GABRB3: variants seen among roughly 807,000 people sequenced by gnomAD.
GABRB3 encodes the protein gamma-aminobutyric acid type A receptor subunit beta3, also known as gamma-aminobutyric acid receptor subunit beta-3.
GABRB3 carries 14 observed loss-of-function variants against 52.1 expected under a neutral mutation model. The ratio of observed to expected loss-of-function variants is 0.27; its 90% CI spans 0.18 to 0.42. GABRB3 has a LOEUF of 0.42. Ranked by LOEUF, GABRB3 falls within the 10% of genes least tolerant of loss-of-function variation. The pLI is 1.00. For synonymous variants in GABRB3, 260 were observed against 232.3 expected (o/e 1.12, Z -1.08); for missense variants, 307 against 609.1 (o/e 0.50, Z 5.22).
intron 4 of GABRB3, among the ~76,000 whole-genome samples, chr15:26,588,765 A>C (rs7166689): frequency 0.3 from 45,429 of 152,132 alleles, 7,909 homozygotes; most frequent in East Asian, 0.79. Context: ...TAATGAGTAA[A>C]TGCCGAAAAT....
chr15:26,736,777 A>T (rs1890076585), intron 3 of GABRB3, among the ~76,000 whole-genome samples: 1 of 152,246 alleles, frequency 6.6e-6, no homozygotes. Flanking sequence ...GGCAGGTAGC[A>T]AATCCTCAGG....
Position 26,653,377 on chromosome 15 carries a change from C to T in GABRB3, c.241-31843G>A. Among the ~76,000 whole-genome samples, 2 of 152,138 alleles carry T rather than the reference C, an allele frequency of 1.3e-5. 1 individual carries two copies. Among genetic ancestry groups the T allele is most frequent in the Non-Finnish European group, 2.9e-5 (2 of 68,038 alleles). On this transcript the variant is annotated intron_variant, in intron 3 of 8. Transcript: ENST00000311550. The stretch of plus-strand genomic sequence containing the variant: ...TGCATTCTAATGCATCAGGTGGCAC[C>T]ATCCATACCAGTAAACTGAGTCAAC...
At chr15:26,764,228 A>C (rs1890931519) in intron 3 of GABRB3, among the ~76,000 whole-genome samples, 1 of 115,154 alleles carries the variant, frequency 8.7e-6, no homozygotes, top group Non-Finnish European at 1.7e-5. Flanking sequence ...ATATATATAT[A>C]TATATATAGT....
chr15:26,684,393 C>T (rs1382634209), intron 3 of GABRB3, among the ~76,000 whole-genome samples: 6 of 152,180 alleles, frequency 3.9e-5, no homozygotes, highest in South Asian at 2.1e-4. Context: ...ATGGGGAGTA[C>T]GAGAGAAATG....
intron 3 of GABRB3, among the ~76,000 whole-genome samples, chr15:26,746,661 A>G (rs1025955666): frequency 2.0e-5 from 3 of 149,634 alleles, no homozygotes; most frequent in Non-Finnish European, 3.0e-5. Context: ...TTATAAAGGC[A>G]CTCCACTGAA....
At position 26,596,248 on chromosome 15, in the gene GABRB3, A is replaced by G. The variant is rs565994044; in HGVS notation, c.462-12834T>C. 3.3e-5 allele frequency among the ~76,000 whole-genome samples: 5 copies of G among 152,308 alleles called. No individual in the cohort carries two copies. The East Asian group carries it at 7.7e-4, about 24-fold the overall frequency. On this transcript the variant is annotated intron_variant, in intron 4 of 8. Transcript: ENST00000311550. ...AGCCTAGTTCTTTAAAAATATAAATAAAATAGATATTTCTTGATACGAACA... is the reference window on the plus strand; with the variant it reads ...AGCCTAGTTCTTTAAAAATATAAATGAAATAGATATTTCTTGATACGAACA...
intron 3 of GABRB3, among the ~76,000 whole-genome samples, chr15:26,645,244 C>T (rs1339982064): frequency 6.6e-6 from 1 of 152,152 alleles, no homozygotes; most frequent in Non-Finnish European, 1.5e-5. Context: ...ATGTCTCCCC[C>T]TCCAAGAAAA....
At chr15:26,756,183 T>A (rs1177975091) in intron 3 of GABRB3, among the ~76,000 whole-genome samples, 1 of 152,110 alleles carries the variant, frequency 6.6e-6, no homozygotes, top group Non-Finnish European at 1.5e-5. Context: ...ATAATAGATA[T>A]TATTTTGTAG....
intron 4 of GABRB3, among the ~76,000 whole-genome samples, chr15:26,592,956 A>C (rs1039389083): frequency 1.3e-5 from 2 of 151,712 alleles, no homozygotes; most frequent in African/African-American, 4.8e-5. Flanking sequence ...TGGAGGTTAC[A>C]GTGAGCCGAG....
intron 3 of GABRB3, chr15:26,629,222 C>T (rs1164269321): frequency 7.0e-7 from 1 of 1,425,502 alleles, no homozygotes; most frequent in East Asian, 2.6e-5. Context: ...GGGGCGGGGC[C>T]TGGAAAGGAG....
At chr15:26,588,351 G>C (rs930865812) in intron 4 of GABRB3, among the ~76,000 whole-genome samples, 28 of 152,118 alleles carry the variant, frequency 1.8e-4, no homozygotes, top group African/African-American at 6.3e-4. Context: ...CCAGTTCTGT[G>C]CCAAGTACTT....
chr15:26,659,900 T>G (rs754587587), intron 3 of GABRB3, among the ~76,000 whole-genome samples: 4 of 151,992 alleles, frequency 2.6e-5, no homozygotes, highest in Non-Finnish European at 4.4e-5. Flanking sequence ...AAAAGCACAC[T>G]TCAGGGAGTG....
rs1255871390 is a variant in GABRB3, at chr15:26,674,412, A to G, written c.241-52878T>C. 5.8e-4 allele frequency among the ~76,000 whole-genome samples: 72 copies of G among 123,284 alleles called. 2 individuals are homozygous for G. The highest frequency in any genetic ancestry group is 1.7e-3 in the South Asian group (7 of 4,052). The allele number at this position is 123,284 out of a possible 152,430, so 80.9% of individuals were successfully genotyped here. A position where few individuals can be genotyped will look rare whatever the true frequency, so the allele number is the denominator to read the frequency against. On this transcript the variant is annotated intron_variant, in intron 3 of 8. Coordinates refer to ENST00000311550, the MANE Select transcript of GABRB3 (RefSeq NM_000814.6). ...CGAGACTCAGTTTCAAAAAAAAAAA[A>G]AAAAAAAAAGAAAAGAAAAGAAAGG...
intron 3 of GABRB3, among the ~76,000 whole-genome samples, chr15:26,745,863 G>GT (rs1890323783): frequency 6.6e-6 from 1 of 152,272 alleles, no homozygotes; most frequent in Admixed American, 6.5e-5. Flanking sequence ...CACAATTTTA[G>GT]TTTGTTTCCA....
Position 26,560,972 on chromosome 15 carries a change from G to A in GABRB3, c.1040C>T (p.Ala347Val), listed in dbSNP as rs1889960218. The part of the protein sequence containing the change: ...QRQKKLAEKT[A>V]KAKNDRSKSE... ...CTTTGAACGGTCATTCTTTGCCTTGGCTGTCTTTTCTGCAAGCTTCTTCTG... is the reference window on the plus strand; with the variant it reads ...CTTTGAACGGTCATTCTTTGCCTTGACTGTCTTTTCTGCAAGCTTCTTCTG... The change falls in exon 8 of 9, where the codon GCC becomes GTC. Residue 347 changes from alanine to valine, a missense_variant. This residue lies in a region of GABRB3 where 115 missense variants were observed against 166.9 expected (regional missense o/e 0.69). Coordinates refer to ENST00000311550, the MANE Select transcript of GABRB3 (RefSeq NM_000814.6). The A allele has an allele frequency of 1.9e-6, 3 of 1,613,964 alleles. No individual in the cohort carries two copies. The highest frequency in any genetic ancestry group is 2.5e-6 in the Non-Finnish European group (3 of 1,179,994).
intron 5 of GABRB3, among the ~76,000 whole-genome samples, chr15:26,582,982 T>TCG (rs1890841662): frequency 6.6e-6 from 1 of 152,010 alleles, no homozygotes; most frequent in Non-Finnish European, 1.5e-5. Flanking sequence ...TGATGGGAAA[T>TCG]GAGTTTTACT....
chr15:26,729,391 G>C (rs1232345237), intron 3 of GABRB3, among the ~76,000 whole-genome samples: 2 of 152,004 alleles, frequency 1.3e-5, no homozygotes, highest in East Asian at 1.9e-4. Context: ...ACCCAAGAAG[G>C]CTGGGGAGGA....
At chr15:26,568,066 T>C (rs1290886017) in intron 6 of GABRB3, among the ~76,000 whole-genome samples, 1 of 152,266 alleles carries the variant, frequency 6.6e-6, no homozygotes, top group Non-Finnish European at 1.5e-5. Flanking sequence ...TATCCCCTTC[T>C]TCCTTGTAGA....
chr15:26,770,501 G>C (rs2140196247), intron 3 of GABRB3, among the ~76,000 whole-genome samples: 1 of 152,216 alleles, frequency 6.6e-6, no homozygotes, highest in East Asian at 1.9e-4. Flanking sequence ...CACTGATGAA[G>C]TTTTTAAACG....
Sources: gnomAD v4.1 joint callset for allele counts (sites outside exome capture counted in the v4.1 genomes callset) on GRCh38, gnomAD v4.1.1 for gene constraint, gnomAD v4.1.1 regional missense constraint, MANE v1.5 for transcripts, NCBI Gene and HGNC (gene_info 2026-07-23, HGNC 2026-07-21) for gene names.